Variants in PIK3C2G observed in about 807,000 individuals in gnomAD.
PIK3C2G encodes the protein phosphatidylinositol 3-kinase C2 domain-containing subunit gamma.
PIK3C2G carries 168 observed loss-of-function variants against 181.1 expected under a neutral mutation model. The observed-to-expected ratio is 0.93, with a 90% CI of 0.82 to 1.05. PIK3C2G has a LOEUF of 1.05. PIK3C2G is among the 50% of genes least tolerant of loss of function. PIK3C2G has a pLI of 0.00. For synonymous variants in PIK3C2G, 573 were observed against 592.2 expected (o/e 0.97, Z 0.47); for missense variants, 1,869 against 1,732.8 (o/e 1.08, Z -1.40).
the PIK3C2G span, among the ~76,000 whole-genome samples, chr12:18,699,350 G>A: frequency 7.9e-5 from 12 of 152,226 alleles, no homozygotes; most frequent in Non-Finnish European, 1.3e-4. Context: ...CTTCCTGCCT[G>A]CAATCTCACC....
intron 13 of PIK3C2G, chr12:18,372,604 T>G (rs1357330668): frequency 6.6e-6 from 1 of 152,212 alleles, no homozygotes; most frequent in Non-Finnish European, 1.5e-5. Flanking sequence ...CCTGCAGTAT[T>G]TGTAAGATCT....
the PIK3C2G span, among the ~76,000 whole-genome samples, chr12:18,691,494 T>G: frequency 6.6e-6 from 1 of 152,012 alleles, no homozygotes. Flanking sequence ...AGGAAAGACT[T>G]TAGTTAACAT....
chr12:18,541,963 T>A (rs1357830390), intron 25 of PIK3C2G, among the ~76,000 whole-genome samples: 1 of 151,848 alleles, frequency 6.6e-6, no homozygotes, highest in African/African-American at 2.4e-5. Context: ...GGGAGAGAAC[T>A]ATTATAGGTT....
At chr12:18,338,653 TTGTGTGTATCTGTGTGTG>T in intron 9 of PIK3C2G, 105 bp downstream of exon 9, 6 of 716,532 alleles carry the variant, frequency 8.4e-6, no homozygotes, top group South Asian at 1.7e-5. Context: ...GTGTGTATGT[TTGTGTGTATCTGTGTGTG>T]TGTGTGTGTG....
chr12:18,554,421 G>A (rs1006168728), intron 26 of PIK3C2G, among the ~76,000 whole-genome samples: 2 of 151,966 alleles, frequency 1.3e-5, no homozygotes, highest in African/African-American at 4.8e-5. Flanking sequence ...ATCCTTTTTA[G>A]TATCTTATTT....
At chr12:18,330,528 T>C (rs572123407) in intron 8 of PIK3C2G, among the ~76,000 whole-genome samples, 13 of 152,312 alleles carry the variant, frequency 8.5e-5, no homozygotes, top group African/African-American at 3.1e-4. Context: ...TAATTTGTAT[T>C]TCCTCAATGG....
chr12:18,248,611 CT>C (rs1420592930), intron 1 of PIK3C2G, among the ~76,000 whole-genome samples: 2 of 151,268 alleles, frequency 1.3e-5, no homozygotes, highest in Non-Finnish European at 2.9e-5. Flanking sequence ...AACAACAATT[CT>C]TCAACTTCGT....
chr12:18,252,115 T>C (rs1051896778), intron 1 of PIK3C2G, among the ~76,000 whole-genome samples: 1 of 152,186 alleles, frequency 6.6e-6, no homozygotes, highest in East Asian at 1.9e-4. Flanking sequence ...GTCATATCAA[T>C]ATTTTTACTT....
In PIK3C2G at chr12:18,638,252, A is replaced by C. The variant is rs574920332; in HGVS notation, c.4183-2177A>C. Among the ~76,000 whole-genome samples the C allele has an allele frequency of 2.0e-5, 3 of 152,282 alleles. No homozygotes were observed. In the South Asian group the frequency reaches 6.2e-4, roughly 32 times the overall value. On this transcript the variant is annotated intron_variant, in intron 31 of 32. Transcript: ENST00000538779. ...CTCAGGAGAATTAAAATTGTCTTGC[A>C]TAGCAGCTGCCTCAGAGGAGGCTAT...
At chr12:18,674,757 G>C in the PIK3C2G span, among the ~76,000 whole-genome samples, 1 of 152,160 alleles carries the variant, frequency 6.6e-6, no homozygotes, top group Admixed American at 6.6e-5. Context: ...TGAAAGTGAT[G>C]TTGTATGACT....
chr12:18,259,063 C>T (rs1328331901), upstream of PIK3C2G, among the ~76,000 whole-genome samples: 1 of 152,078 alleles, frequency 6.6e-6, no homozygotes, highest in Non-Finnish European at 1.5e-5. Flanking sequence ...TATCTGCCTT[C>T]ATTTGTTTTT....
intron 8 of PIK3C2G, among the ~76,000 whole-genome samples, chr12:18,335,051 G>T (rs10047642): frequency 1.3e-5 from 2 of 152,094 alleles, no homozygotes; most frequent in African/African-American, 4.8e-5. Flanking sequence ...ACAGACGAGG[G>T]TTCAGTTCCT....
rs753793459 is a variant in PIK3C2G at position 18,325,069 on chromosome 12, TTCCACCTGAAA to T, written c.1245_1255del (p.Phe415LeufsTer11). On this transcript the variant is annotated frameshift_variant, in exon 8 of 33. Coordinates refer to ENST00000538779, the MANE Select transcript of PIK3C2G (RefSeq NM_001288772.2). LOFTEE classifies it high-confidence loss of function. ...CTTAACACTCATCAGAAAATATGAC[TTCCACCTGAAA>T]TACCTATTGAAAACCCAGGTATTGA... is the stretch of plus-strand genomic sequence containing the variant. 6.3e-7 allele frequency: 1 copy of T among 1,576,364 alleles called. No individual in the cohort carries two copies. The highest frequency in any genetic ancestry group is 8.7e-7 in the Non-Finnish European group (1 of 1,148,536).
the PIK3C2G span, chr12:18,693,443 A>C: frequency 6.2e-7 from 1 of 1,605,394 alleles, no homozygotes; most frequent in South Asian, 1.1e-5. Flanking sequence ...CAAGGGGGTC[A>C]TTCTCTGTGG....
At chr12:18,275,688 T>G (rs1440468323) in intron 1 of PIK3C2G, among the ~76,000 whole-genome samples, 2 of 152,202 alleles carry the variant, frequency 1.3e-5, no homozygotes, top group Non-Finnish European at 2.9e-5. Flanking sequence ...GCCTATCTTC[T>G]ATTTTTCTTA....
At chr12:18,361,147 T>A (rs1941205979) in intron 11 of PIK3C2G, among the ~76,000 whole-genome samples, 1 of 152,124 alleles carries the variant, frequency 6.6e-6, no homozygotes, top group South Asian at 2.1e-4. Flanking sequence ...AAATAACCTG[T>A]CTTCAAGTTC....
chr12:18,317,789 C>A (rs866359206), intron 6 of PIK3C2G, among the ~76,000 whole-genome samples: 1 of 152,152 alleles, frequency 6.6e-6, no homozygotes, highest in African/African-American at 2.4e-5. Flanking sequence ...TGCTGTATTT[C>A]AAATGTTCAC....
At chr12:18,709,433 T>C in the PIK3C2G span, among the ~76,000 whole-genome samples, 1 of 152,306 alleles carries the variant, frequency 6.6e-6, no homozygotes, top group African/African-American at 2.4e-5. Context: ...TGTAACATAA[T>C]TTTAAATCAG....
intron 16 of PIK3C2G, among the ~76,000 whole-genome samples, chr12:18,418,199 A>G (rs969013733): frequency 6.6e-6 from 1 of 152,212 alleles, no homozygotes; most frequent in Non-Finnish European, 1.5e-5. Flanking sequence ...ACACTGTCAT[A>G]TCTTAAGTGG....
Sources: allele counts gnomAD v4.1 joint callset (sites outside exome capture counted in the v4.1 genomes callset), GRCh38; gene constraint gnomAD v4.1.1; transcripts MANE v1.5; gene names NCBI Gene and HGNC (gene_info 2026-07-23, HGNC 2026-07-21).